TMEM178B: variants seen among roughly 807,000 people sequenced by gnomAD.
TMEM178B encodes the protein transmembrane protein 178B.
TMEM178B carries 5 observed loss-of-function variants against 31.0 expected under a neutral mutation model. The observed-to-expected ratio is 0.16, with a 90% CI of 0.08 to 0.34. The LOEUF is 0.34. Among genes scored for constraint, TMEM178B ranks in the 10% least tolerant of loss-of-function variants. The pLI is 1.00. For synonymous variants in TMEM178B, 164 were observed against 164.0 expected, an observed-to-expected ratio of 1.00 and a Z score of 0.00; for missense variants, 275 against 400.3, an observed-to-expected ratio of 0.69 and a Z score of 2.67.
intron 1 of TMEM178B, among the ~76,000 whole-genome samples, chr7:141,132,160 C>G (rs980398701): frequency 2.0e-5 from 3 of 152,098 alleles, no homozygotes; most frequent in Middle Eastern, 3.2e-3. Context: ...TCAGTGTTCT[C>G]TGCTTGAGAA....
intron 1 of TMEM178B, among the ~76,000 whole-genome samples, chr7:141,123,632 T>C (rs1465217828): frequency 2.0e-5 from 3 of 152,156 alleles, no homozygotes; most frequent in African/African-American, 7.2e-5. Context: ...TCATTGGTAG[T>C]GGGGGAGCTA....
intron 2 of TMEM178B, among the ~76,000 whole-genome samples, chr7:141,323,069 G>T (rs926490321): frequency 6.6e-6 from 1 of 152,190 alleles, no homozygotes; most frequent in Non-Finnish European, 1.5e-5. Context: ...GCTTCTGGAA[G>T]GTTGAACTGA....
chr7:141,117,491 G>T (rs1432497954), intron 1 of TMEM178B, among the ~76,000 whole-genome samples: 2 of 152,036 alleles, frequency 1.3e-5, no homozygotes, highest in Admixed American at 6.6e-5. Context: ...TCCTTTTGTT[G>T]TGCAGAAGCT....
intron 1 of TMEM178B, among the ~76,000 whole-genome samples, chr7:141,129,089 T>G (rs1795553216): frequency 6.6e-6 from 1 of 152,166 alleles, no homozygotes; most frequent in South Asian, 2.1e-4. Flanking sequence ...TGCCCTAGGA[T>G]AGTGGGTTAC....
Position 141,288,236 on chromosome 7 carries a change from GC to G in TMEM178B, c.496+75533del, listed in dbSNP as rs376820959. 6.4e-3 allele frequency among the ~76,000 whole-genome samples: 966 copies of G among 151,624 alleles called. 12 individuals are homozygous for G. Among genetic ancestry groups the G allele is most frequent in the African/African-American group, 0.022 (927 of 41,334 alleles). ...CTCTGGGATTGTTTGTGATTGTCGC[GC>G]TGAAACTTGACCTTTCATGATCTTT... On this transcript the variant is annotated intron_variant, in intron 2 of 3. Coordinates refer to ENST00000565468, the MANE Select transcript of TMEM178B (RefSeq NM_001195278.2).
chr7:141,083,238 T>G (rs1283200373), intron 1 of TMEM178B, among the ~76,000 whole-genome samples: 54 of 152,220 alleles, frequency 3.5e-4, no homozygotes, highest in Admixed American at 3.5e-3. Flanking sequence ...AATGAATAGA[T>G]GGAAAAATCA....
chr7:141,152,715 C>T (rs1586798110), intron 1 of TMEM178B, among the ~76,000 whole-genome samples: 2 of 152,328 alleles, frequency 1.3e-5, no homozygotes, highest in Middle Eastern at 6.8e-3. Flanking sequence ...TGCTTCTCCC[C>T]TTGGACACAG....
intron 2 of TMEM178B, among the ~76,000 whole-genome samples, chr7:141,345,759 C>T (rs184839408): frequency 3.3e-4 from 50 of 152,268 alleles, no homozygotes; most frequent in Admixed American, 3.3e-3. Flanking sequence ...CTAAAAAATG[C>T]TTACTGATTG....
intron 1 of TMEM178B, among the ~76,000 whole-genome samples, chr7:141,077,597 T>C (rs1794620195): frequency 2.0e-5 from 3 of 152,236 alleles, no homozygotes; most frequent in Admixed American, 2.0e-4. Context: ...TTCTCATCAC[T>C]GTGTATTCAT....
At chr7:141,429,367 T>C (rs1010886845) in intron 2 of TMEM178B, among the ~76,000 whole-genome samples, 1 of 150,380 alleles carries the variant, frequency 6.6e-6, no homozygotes, top group Non-Finnish European at 1.5e-5. Context: ...TATTCAGCCA[T>C]AAAAAAGAAT....
At chr7:141,393,400 C>T (rs957875454) in intron 2 of TMEM178B, among the ~76,000 whole-genome samples, 4 of 152,152 alleles carry the variant, frequency 2.6e-5, no homozygotes, top group Non-Finnish European at 4.4e-5. Flanking sequence ...TCCATGCTTT[C>T]AACCAAGAGT....
At chr7:141,184,505 C>T (rs1461373584) in intron 1 of TMEM178B, among the ~76,000 whole-genome samples, 1 of 152,178 alleles carries the variant, frequency 6.6e-6, no homozygotes, top group Non-Finnish European at 1.5e-5. Flanking sequence ...GTCTATTTAG[C>T]CCCAACTTTG....
At chr7:141,090,077 A>G (rs1306910122) in intron 1 of TMEM178B, among the ~76,000 whole-genome samples, 1 of 152,094 alleles carries the variant, frequency 6.6e-6, no homozygotes, top group East Asian at 1.9e-4. Context: ...TGCCTTTCCC[A>G]GACTCTTCCT....
intron 1 of TMEM178B, among the ~76,000 whole-genome samples, chr7:141,084,203 G>C (rs1382843332): frequency 6.6e-6 from 1 of 152,226 alleles, no homozygotes; most frequent in East Asian, 1.9e-4. Context: ...TGCCCTCGTA[G>C]GGCTTACAGC....
intron 2 of TMEM178B, among the ~76,000 whole-genome samples, chr7:141,277,182 G>A (rs217000): frequency 2.0e-5 from 3 of 152,022 alleles, no homozygotes; most frequent in African/African-American, 7.2e-5. Flanking sequence ...TTTTAAAAAC[G>A]TTTTGACTGT....
chr7:141,299,910 G>A (rs1027564465), intron 2 of TMEM178B, among the ~76,000 whole-genome samples: 5 of 151,980 alleles, frequency 3.3e-5, no homozygotes, highest in Non-Finnish European at 7.4e-5. Flanking sequence ...TTAGCTTCCC[G>A]AGTAGCTGGG....
intron 3 of TMEM178B, among the ~76,000 whole-genome samples, chr7:141,438,899 AAAG>A (rs1196677377): frequency 2.0e-5 from 3 of 151,434 alleles, no homozygotes; most frequent in Admixed American, 6.6e-5. Context: ...GAAAAAGAAA[AAAG>A]AAATGTTTAT....
intron 2 of TMEM178B, among the ~76,000 whole-genome samples, chr7:141,397,898 G>A (rs929594688): frequency 5.9e-5 from 9 of 152,202 alleles, no homozygotes; most frequent in African/African-American, 2.2e-4. Context: ...TAGTTATCGG[G>A]CAAATGGGGA....
intron 1 of TMEM178B, among the ~76,000 whole-genome samples, chr7:141,157,006 A>C (rs1796081337): frequency 6.6e-6 from 1 of 152,090 alleles, no homozygotes; most frequent in South Asian, 2.1e-4. Flanking sequence ...GGTCTTCTCC[A>C]CCCAGCTCCC....
Sources: gnomAD v4.1 joint callset for allele counts (sites outside exome capture counted in the v4.1 genomes callset) on GRCh38, gnomAD v4.1.1 for gene constraint, MANE v1.5 for transcripts, NCBI Gene and HGNC (gene_info 2026-07-23, HGNC 2026-07-21) for gene names.